Variants in CHD9 observed in about 807,000 individuals in gnomAD.
The protein encoded by CHD9 is chromodomain helicase DNA binding protein 9, also known as ATP-dependent chromatin remodeler CHD9.
A neutral mutation model predicts 316.1 loss-of-function variants in CHD9; 77 were observed. The observed-to-expected ratio is 0.24, with a 90% CI of 0.20 to 0.29. The LOEUF is 0.29. Among genes scored for constraint, CHD9 ranks in the 10% least tolerant of loss-of-function variants. The pLI, the probability that CHD9 is intolerant of heterozygous loss-of-function variation, is 1.00. For missense variants in CHD9, 2,763 were observed against 3,438.1 expected (o/e 0.80, Z 4.91); for synonymous variants, 1,129 against 1,158.3 (o/e 0.97, Z 0.51).
rs186950059 is a variant in CHD9 at position 53,294,388 on chromosome 16, A to G, written c.5510+1336A>G. 7.4e-4 allele frequency among the ~76,000 whole-genome samples: 112 copies of G among 152,314 alleles called. 1 individual carries two copies. In the East Asian group the frequency reaches 0.019, roughly 25 times the overall value. On this transcript the variant is annotated intron_variant, in intron 29 of 38. Transcript: ENST00000447540. ...CAAATACTACCGCCTCTGTAAATGAACTGTTTTTGTTATCTATTGTTGCAT... is the reference window on the plus strand; with the variant it reads ...CAAATACTACCGCCTCTGTAAATGAGCTGTTTTTGTTATCTATTGTTGCAT...
In CHD9 at chr16:53,229,013, A is replaced by G. The variant is rs1300521158; in HGVS notation, c.2199A>G (p.Glu733=). Residue 733 remains glutamate, a synonymous_variant, in exon 8 of 39, where the codon GAA becomes GAG. Transcript: ENST00000447540. The part of the protein sequence containing the change: ...YSYLHCEWAT[E]EQLLKDKRIQ... Reference sequence around the variant, plus strand: ...ATCTTCACTGTGAGTGGGCCACAGAAGAGCAGCTTTTGAAAGATAAAAGGA... The same window carrying G: ...ATCTTCACTGTGAGTGGGCCACAGAGGAGCAGCTTTTGAAAGATAAAAGGA... 6.3e-7 allele frequency: 1 copy of G among 1,591,276 alleles called. No individual in the cohort carries two copies. The highest frequency in any genetic ancestry group is 8.6e-7 in the Non-Finnish European group (1 of 1,167,916).
At chr16:53,087,463 C>A (rs1411710097) in intron 1 of CHD9, among the ~76,000 whole-genome samples, 7 of 152,198 alleles carry the variant, frequency 4.6e-5, no homozygotes, top group Admixed American at 4.6e-4. Flanking sequence ...GGATAGGATG[C>A]AAGCTCCAAA....
intron 1 of CHD9, among the ~76,000 whole-genome samples, chr16:53,112,483 C>A (rs558394793): frequency 6.6e-6 from 1 of 152,126 alleles, no homozygotes; most frequent in African/African-American, 2.4e-5. Flanking sequence ...CTAAGTGTAA[C>A]GTGTTCAGTT....
rs1446621603 is a variant in CHD9, at chr16:53,324,979, A to G, written c.*84A>G. The G allele has an allele frequency of 2.3e-5, 26 of 1,152,816 alleles. No individual in the cohort carries two copies. The highest frequency in any genetic ancestry group is 3.1e-5 in the Non-Finnish European group (26 of 834,634). The allele number at this position is 1,152,816 out of a possible 1,614,324, so 71.4% of individuals were successfully genotyped here. A position where few individuals can be genotyped will look rare whatever the true frequency, so the allele number is the denominator to read the frequency against. On this transcript the variant is annotated 3_prime_UTR_variant, in exon 39 of 39. Transcript: ENST00000447540. ...TTGTAAATACCCCAGTGTTGAGTGC[A>G]TCAATAACTTACTGACCGAACATTT...
chr16:53,297,608 A>G (rs2054920494), intron 30 of CHD9, among the ~76,000 whole-genome samples: 1 of 152,236 alleles, frequency 6.6e-6, no homozygotes. Context: ...ACAAAAGACT[A>G]CTAAGCAGAG....
Position 53,245,304 on chromosome 16 carries a change from T to C in CHD9, c.3055-32T>C. On this transcript the variant is annotated intron_variant, in intron 13 of 38. Transcript: ENST00000447540. The surrounding 1 kb of genome is among the most constrained non-coding windows in gnomAD (Gnocchi z 4.1). ...CTTTCATATAATTTTAGTACTGTGA[T>C]GTTTGATGTGAATTGTTCTCACTTT... The C allele has an allele frequency of 1.4e-6, 2 of 1,466,082 alleles. No individual in the cohort carries two copies. The highest frequency in any genetic ancestry group is 1.8e-6 in the Non-Finnish European group (2 of 1,108,134). 90.8% of individuals were successfully genotyped at this position (1,466,082 alleles called of 1,614,324 possible). A position where few individuals can be genotyped will look rare whatever the true frequency, so the allele number is the denominator to read the frequency against.
chr16:53,273,543 G>A (rs1597758291), intron 22 of CHD9, 83 bp from the exon 23 acceptor site: 1 of 1,055,462 alleles, frequency 9.5e-7, no homozygotes, highest in East Asian at 2.6e-5. Context: ...AAAGTCTCCA[G>A]AAATTTCTTG....
At chr16:53,072,174 GC>G (rs943866982) in intron 1 of CHD9, among the ~76,000 whole-genome samples, 5 of 151,914 alleles carry the variant, frequency 3.3e-5, no homozygotes, top group African/African-American at 1.2e-4. Flanking sequence ...CCAGCCGGAA[GC>G]CCCCCTCTGT....
rs544911061 is a variant in CHD9 at position 53,252,645 on chromosome 16, G to T, written c.3862-1793G>T. ...GAGTGGGAGAAAATCTTCACAATCT[G>T]TACTTCTGACCAAGTGCTAATATCC... On this transcript the variant is annotated intron_variant, in intron 17 of 38. Transcript: ENST00000447540. 4.7e-5 allele frequency among the ~76,000 whole-genome samples: 7 copies of T among 149,110 alleles called. No individual in the cohort carries two copies. In the East Asian group the frequency reaches 1.4e-3, roughly 30 times the overall value.
Position 53,212,852 on chromosome 16 carries a change from T to C in CHD9, c.1784+3039T>C, listed in dbSNP as rs143093033. On this transcript the variant is annotated intron_variant, in intron 3 of 38. Transcript: ENST00000447540. The stretch of plus-strand genomic sequence containing the variant: ...TGTAAAATGGGGATAGGATAGTACT[T>C]GCCTCATAGTGTTATTTTGAAGACT... 1.3e-4 allele frequency among the ~76,000 whole-genome samples: 20 copies of C among 152,328 alleles called. No individual in the cohort carries two copies. The East Asian group carries it at 2.3e-3, about 18-fold the overall frequency.
chr16:53,266,193 A>T (rs2051672411), intron 20 of CHD9, among the ~76,000 whole-genome samples: 1 of 152,142 alleles, frequency 6.6e-6, no homozygotes, highest in Non-Finnish European at 1.5e-5. Context: ...TGTGTCTTCA[A>T]AGTATATCTT....
chr16:53,321,272 A>G lies in CHD9; in HGVS notation c.7714-254A>G, dbSNP rs1044344494. The G allele has an allele frequency of 2.3e-5, 31 of 1,345,182 alleles. No homozygotes were observed. In the African/African-American group the frequency reaches 3.7e-4, roughly 16 times the overall value. 83.3% of individuals were successfully genotyped at this position (1,345,182 alleles called of 1,614,324 possible). On this transcript the variant is annotated intron_variant, in intron 37 of 38. Transcript: ENST00000447540. ...AACTAGGCTATATGGCCTGTCCAGC[A>G]TGGTAGTTATTCATTTTACTGTTCT...
At position 53,273,792 on chromosome 16, in the gene CHD9, A is replaced by G; in HGVS notation, c.4877+7A>G. 1.3e-6 allele frequency: 2 copies of G among 1,594,030 alleles called. No individual in the cohort carries two copies. The highest frequency in any genetic ancestry group is 1.7e-6 in the Non-Finnish European group (2 of 1,170,176). On this transcript the variant is annotated splice_region_variant and intron_variant, in intron 23 of 38. Transcript: ENST00000447540. ...TAAAACACCACTGTAATAAGTAGGT[A>G]TAGGGTATTTTAAACACAACTCTTT... is the stretch of plus-strand genomic sequence containing the variant.
intron 1 of CHD9, among the ~76,000 whole-genome samples, chr16:53,080,136 C>T (rs1170549377): frequency 2.0e-5 from 3 of 152,152 alleles, no homozygotes; most frequent in Non-Finnish European, 4.4e-5. Context: ...TATAGGACAC[C>T]AGCTGGTGTT....
At chr16:53,082,126 G>A (rs1204424223) in intron 1 of CHD9, among the ~76,000 whole-genome samples, 1 of 152,122 alleles carries the variant, frequency 6.6e-6, no homozygotes, top group Non-Finnish European at 1.5e-5. Flanking sequence ...TCAGGAGGAA[G>A]GACTATTTTC....
At chr16:53,062,336 G>C (rs183362845) in intron 1 of CHD9, among the ~76,000 whole-genome samples, 1 of 152,112 alleles carries the variant, frequency 6.6e-6, no homozygotes, top group Non-Finnish European at 1.5e-5. Context: ...CCTGTACATG[G>C]CTTTTCATGT....
intron 1 of CHD9, among the ~76,000 whole-genome samples, chr16:53,138,301 A>G (rs2039866681): frequency 6.6e-6 from 1 of 152,216 alleles, no homozygotes. Context: ...GTATTCTAAG[A>G]AAAGCAGATT....
At chr16:53,213,976 TAAAAC>T (rs1197945949) in intron 3 of CHD9, among the ~76,000 whole-genome samples, 4 of 152,198 alleles carry the variant, frequency 2.6e-5, no homozygotes, top group Non-Finnish European at 4.4e-5. Flanking sequence ...AACTTCTAGT[TAAAAC>T]AGAACATGTC....
chr16:53,202,836 C>T (rs917054499), intron 2 of CHD9, among the ~76,000 whole-genome samples: 12 of 151,722 alleles, frequency 7.9e-5, no homozygotes, highest in South Asian at 4.2e-4. Flanking sequence ...AGTCACAAGA[C>T]GAAAATAAAC....
Sources: gnomAD v4.1 joint callset for allele counts (sites outside exome capture counted in the v4.1 genomes callset) on GRCh38, gnomAD v4.1.1 for gene constraint, Gnocchi (gnomAD v3.1) non-coding constraint, MANE v1.5 for transcripts, NCBI Gene and HGNC (gene_info 2026-07-23, HGNC 2026-07-21) for gene names.